CTNNA3: variants seen among roughly 807,000 people sequenced by gnomAD.
CTNNA3 encodes the protein catenin alpha-3.
CTNNA3 carries 76 observed loss-of-function variants against 95.7 expected under a neutral mutation model. The ratio of observed to expected loss-of-function variants is 0.79; its 90% CI spans 0.66 to 0.96. The LOEUF (loss-of-function observed/expected upper bound fraction) is 0.96. CTNNA3 is among the 40% of genes least tolerant of loss of function. The pLI is 0.00. For missense variants in CTNNA3, 1,191 were observed against 1,089.8 expected, an observed-to-expected ratio of 1.09 and a Z score of -1.31; for synonymous variants, 431 against 374.4, an observed-to-expected ratio of 1.15 and a Z score of -1.74.
At chr10:67,538,748 G>T (rs1840569060) in intron 4 of CTNNA3, among the ~76,000 whole-genome samples, 1 of 152,104 alleles carries the variant, frequency 6.6e-6, no homozygotes, top group South Asian at 2.1e-4. Flanking sequence ...TGAAAATGCA[G>T]ATTTATTTAT....
chr10:67,317,704 C>T (rs1042652858), intron 5 of CTNNA3, among the ~76,000 whole-genome samples: 5 of 152,060 alleles, frequency 3.3e-5, no homozygotes, highest in African/African-American at 1.2e-4. Context: ...GGATTACAGG[C>T]TGAGCCACCG....
chr10:67,197,647 T>G (rs890977554), intron 6 of CTNNA3, among the ~76,000 whole-genome samples: 1 of 152,136 alleles, frequency 6.6e-6, no homozygotes, highest in Non-Finnish European at 1.5e-5. Flanking sequence ...AGAGCACTGC[T>G]GTTTAAGGAT....
chr10:66,169,738 C>T (rs1043875959), intron 13 of CTNNA3, among the ~76,000 whole-genome samples: 1 of 152,062 alleles, frequency 6.6e-6, no homozygotes, highest in African/African-American at 2.4e-5. Context: ...GATGGTATTG[C>T]ATTATGGTTT....
At chr10:67,432,390 C>A (rs562935874) in intron 5 of CTNNA3, among the ~76,000 whole-genome samples, 1 of 152,028 alleles carries the variant, frequency 6.6e-6, no homozygotes, top group Non-Finnish European at 1.5e-5. Flanking sequence ...CTTAAAACAA[C>A]GTAAATTTAT....
At chr10:67,708,272 A>G (rs1162054844) in intron 1 of CTNNA3, among the ~76,000 whole-genome samples, 1 of 152,126 alleles carries the variant, frequency 6.6e-6, no homozygotes, top group African/African-American at 2.4e-5. Flanking sequence ...GCTTTAGTTC[A>G]TTGATTACTT....
At chr10:66,587,962 A>G (rs911898923) in intron 10 of CTNNA3, among the ~76,000 whole-genome samples, 4 of 152,044 alleles carry the variant, frequency 2.6e-5, no homozygotes, top group Non-Finnish European at 4.4e-5. Context: ...TCCTCACTCA[A>G]GGTTATAATC....
intron 17 of CTNNA3, among the ~76,000 whole-genome samples, chr10:65,935,257 T>C (rs2077317055): frequency 6.6e-6 from 1 of 152,204 alleles, no homozygotes; most frequent in African/African-American, 2.4e-5. Flanking sequence ...TGCAAGAAGA[T>C]GCTAAAATGT....
chr10:66,588,467 A>G (rs984580192), intron 10 of CTNNA3, among the ~76,000 whole-genome samples: 3 of 152,180 alleles, frequency 2.0e-5, no homozygotes, highest in Admixed American at 6.5e-5. Flanking sequence ...GCCATTTTAA[A>G]TAACACATAG....
chr10:67,310,843 C>T (rs1262982983), intron 5 of CTNNA3, among the ~76,000 whole-genome samples: 2 of 152,160 alleles, frequency 1.3e-5, no homozygotes, highest in East Asian at 3.9e-4. Context: ...ATTATGGAAA[C>T]TATAATTCAA....
intron 7 of CTNNA3, among the ~76,000 whole-genome samples, chr10:67,008,783 A>G (rs1459935552): frequency 2.0e-5 from 3 of 152,196 alleles, no homozygotes; most frequent in African/African-American, 7.2e-5. Context: ...AAAACAGCAA[A>G]ATAAGACAGA....
At chr10:66,744,124 A>C (rs1285366211) in intron 9 of CTNNA3, among the ~76,000 whole-genome samples, 1 of 152,128 alleles carries the variant, frequency 6.6e-6, no homozygotes, top group Non-Finnish European at 1.5e-5. Flanking sequence ...TCTCAGACCT[A>C]TGAGCTTCTA....
At chr10:67,717,963 T>C (rs1158649515) in intron 1 of CTNNA3, among the ~76,000 whole-genome samples, 1 of 152,224 alleles carries the variant, frequency 6.6e-6, no homozygotes, top group African/African-American at 2.4e-5. Flanking sequence ...CAGAATGTTT[T>C]TCCATTTGTT....
intron 17 of CTNNA3, among the ~76,000 whole-genome samples, chr10:65,950,157 A>AACACAC (rs377580361): frequency 6.0e-5 from 9 of 150,244 alleles, no homozygotes; most frequent in African/African-American, 2.2e-4. Context: ...TTTGCTAGGG[A>AACACAC]ACACACACAC....
chr10:65,955,558 G>T (rs558501755), intron 17 of CTNNA3, among the ~76,000 whole-genome samples: 111 of 152,172 alleles, frequency 7.3e-4, no homozygotes, highest in African/African-American at 2.4e-3. Flanking sequence ...TTGAGATATG[G>T]CCCATCAATA....
chr10:65,998,727 G>T (rs1042501605), intron 15 of CTNNA3, among the ~76,000 whole-genome samples: 3 of 152,132 alleles, frequency 2.0e-5, no homozygotes, highest in Non-Finnish European at 4.4e-5. Context: ...TTTATGCCTT[G>T]AACTGACCTT....
intron 15 of CTNNA3, among the ~76,000 whole-genome samples, chr10:66,038,166 T>C (rs1387871513): frequency 2.0e-5 from 3 of 152,250 alleles, no homozygotes; most frequent in African/African-American, 7.2e-5. Context: ...GTAACCCATG[T>C]ATAAAACATG....
chr10:66,119,922 C>T (rs751064408), intron 13 of CTNNA3, among the ~76,000 whole-genome samples: 51 of 152,082 alleles, frequency 3.4e-4, no homozygotes, highest in Non-Finnish European at 5.7e-4. Flanking sequence ...ATAAAGATAG[C>T]TGTCTCTGCC....
chr10:66,228,062 CTTTG>C (rs571127948), intron 13 of CTNNA3, among the ~76,000 whole-genome samples: 10 of 152,028 alleles, frequency 6.6e-5, no homozygotes, highest in South Asian at 4.1e-4. Flanking sequence ...TCTCTTTTTT[CTTTG>C]TTTGTCTCAC....
chr10:66,624,743 A>T (rs985100199), intron 9 of CTNNA3, among the ~76,000 whole-genome samples: 2 of 152,152 alleles, frequency 1.3e-5, no homozygotes, highest in Non-Finnish European at 2.9e-5. Flanking sequence ...CCCACTCTCT[A>T]ATCTTATATT....
Sources: gnomAD v4.1 joint callset for allele counts (sites outside exome capture counted in the v4.1 genomes callset) on GRCh38, gnomAD v4.1.1 for gene constraint, MANE v1.5 for transcripts, NCBI Gene and HGNC (gene_info 2026-07-23, HGNC 2026-07-21) for gene names.